The following CRLF2 variants were observed in gnomAD, a reference collection of about 807,000 sequenced individuals.
The protein encoded by CRLF2 is cytokine receptor-like factor 2.
Under a neutral mutation model 38.7 loss-of-function variants are expected in CRLF2, and 41 were observed. That is an observed-to-expected ratio of 1.06 (90% CI 0.83 to 1.37). The LOEUF is 1.37. Ranked by LOEUF, CRLF2 falls within the 40% of genes most tolerant of loss-of-function variation. The pLI, the probability that CRLF2 is intolerant of heterozygous loss-of-function variation, is 0.00. For missense variants in CRLF2, 377 were observed against 322.2 expected, an observed-to-expected ratio of 1.17 and a Z score of -1.30; for synonymous variants, 140 against 128.8, an observed-to-expected ratio of 1.09 and a Z score of -0.59.
intron 1 of CRLF2, among the ~76,000 whole-genome samples, chrX:1,211,747 A>G (rs868207894): frequency 0.014 from 400 of 27,642 alleles, no homozygotes; most frequent in Middle Eastern, 0.068. Context: ...ATGGATGGAT[A>G]AGTGGATAAA....
At chrX:1,203,745 C>T (rs1230534959) in intron 3 of CRLF2, among the ~76,000 whole-genome samples, 1 of 152,126 alleles carries the variant, frequency 6.6e-6, no homozygotes, top group Non-Finnish European at 1.5e-5. Flanking sequence ...ATCTCAGACT[C>T]ATGGGCTTCA....
chrX:1,193,262 A>G lies in CRLF2; in HGVS notation c.808T>C (p.Ser270Pro). 2.5e-6 allele frequency: 1 copy of G among 398,590 alleles called. No homozygotes were observed. The highest frequency in any genetic ancestry group is 4.4e-6 in the Non-Finnish European group (1 of 226,178). The allele number at this position is 398,590 out of a possible 1,614,324, so 24.7% of individuals were successfully genotyped here. ...FLIPSVPDPK[S>P]IFPGLFEIHQ... Reference sequence around the variant, plus strand: ...ATCTCAAAGAGCCCGGGGAAGATGGATTTCGGGTCTGGCACGCTGGGAATG... The same window carrying G: ...ATCTCAAAGAGCCCGGGGAAGATGGGTTTCGGGTCTGGCACGCTGGGAATG... The change falls in exon 7 of 8, where the codon TCC (serine) becomes CCC (proline). Residue 270 changes from serine (S) to proline (P), a missense_variant. Transcript: ENST00000400841.
intron 6 of CRLF2, 22 bp downstream of exon 6, chrX:1,196,758 G>A (rs773354225): frequency 1.2e-5 from 20 of 1,610,500 alleles, no homozygotes; most frequent in Admixed American, 5.1e-5. Context: ...CTCCACCCAC[G>A]GGCGGCAGGA....
Position 1,207,476 on chromosome X carries a change from T to C in CRLF2, c.183-877A>G, listed in dbSNP as rs761055277. Among the ~76,000 whole-genome samples the C allele has an allele frequency of 1.5e-3, 224 of 146,358 alleles. 2 individuals carry two copies. Among genetic ancestry groups the C allele is most frequent in the African/African-American group, 5.4e-3 (212 of 39,378 alleles). ...TTTCACCATGTTGGCCAGGCTGGTC[T>C]TGAACTCCTGACCTCAGGTGATCCA... On this transcript the variant is annotated intron_variant, in intron 2 of 7. Transcript: ENST00000400841.
chrX:1,209,492 T>C (rs772293496), intron 1 of CRLF2, among the ~76,000 whole-genome samples: 23 of 151,272 alleles, frequency 1.5e-4, no homozygotes, highest in Middle Eastern at 3.4e-3. Context: ...CCACCATGCC[T>C]GGATAATTTT....
Position 1,192,765 on chromosome X carries a change from T to TTTCCTTCCTTCC in CRLF2, c.852+441_852+452dup, listed in dbSNP as rs1156877362. Among the ~76,000 whole-genome samples, 913 of 115,942 alleles carry TTTCCTTCCTTCC rather than the reference T, an allele frequency of 7.9e-3. 12 individuals are homozygous for TTTCCTTCCTTCC. The highest frequency in any genetic ancestry group is 0.012 in the Non-Finnish European group (656 of 56,468). The allele number at this position is 115,942 out of a possible 152,430, so 76.1% of individuals were successfully genotyped here. A position where few individuals can be genotyped will look rare whatever the true frequency, so the allele number is the denominator to read the frequency against. The stretch of plus-strand genomic sequence containing the variant: ...CTTTCTTTCTTTCTTTCTTTCTTTC[T>TTTCCTTCCTTCC]TTCCTTCCTTCCTCTCTCCCCCTTT... On this transcript the variant is annotated intron_variant, in intron 7 of 7. Transcript: ENST00000400841.
chrX:1,192,199 C>T (rs1300475371), intron 7 of CRLF2, among the ~76,000 whole-genome samples: 6 of 99,934 alleles, frequency 6.0e-5, no homozygotes, highest in Admixed American at 1.1e-4. Context: ...AGCGAGACTC[C>T]GTCTCAAAAA....
At chrX:1,205,592 A>C (rs1264710476) in intron 3 of CRLF2, among the ~76,000 whole-genome samples, 3 of 152,104 alleles carry the variant, frequency 2.0e-5, no homozygotes, top group African/African-American at 7.2e-5. Flanking sequence ...CTTGCTTTTC[A>C]ATAGTTACGG....
chrX:1,201,825 A>G (rs1331290721), intron 4 of CRLF2, among the ~76,000 whole-genome samples: 1 of 152,120 alleles, frequency 6.6e-6, no homozygotes, highest in African/African-American at 2.4e-5. Context: ...GAGATGATAG[A>G]TAGTTGAACT....
At chrX:1,203,326 GC>G (rs1212140151) in intron 3 of CRLF2, among the ~76,000 whole-genome samples, 1 of 151,432 alleles carries the variant, frequency 6.6e-6, no homozygotes, top group African/African-American at 2.4e-5. Flanking sequence ...GATGCCTGGA[GC>G]CCCCAGGAGC....
At chrX:1,205,484 T>A (rs1388758410) in intron 3 of CRLF2, among the ~76,000 whole-genome samples, 1 of 152,156 alleles carries the variant, frequency 6.6e-6, no homozygotes, top group Non-Finnish European at 1.5e-5. Flanking sequence ...AGCTTGCTTT[T>A]CAATTGTTAT....
At chrX:1,212,454 ACCTCCATGCTCATTGTTTAAGTTTTAC>A in intron 1 of CRLF2, 75 bp downstream of exon 1, 1 of 707,806 alleles carries the variant, frequency 1.4e-6, no homozygotes, top group African/African-American at 1.8e-5. Context: ...GAAGAAAGAA[ACCTCCATGCTCATTGTTTAAGTTTTAC>A]AAAATAAAGA....
At chrX:1,209,512 T>C (rs1307995296) in intron 1 of CRLF2, among the ~76,000 whole-genome samples, 1 of 150,838 alleles carries the variant, frequency 6.6e-6, no homozygotes, top group South Asian at 2.1e-4. Context: ...TTTGTACTTT[T>C]AGTAGAGATG....
At position 1,208,847 on chromosome X, in the gene CRLF2, A is replaced by G; in HGVS notation, c.141T>C (p.Asn47=). Residue 47 remains asparagine, a synonymous_variant, in exon 2 of 8, where the codon AAT becomes AAC. Transcript: ENST00000400841. The part of the protein sequence containing the change: ...FNLETVQVTW[N]ASKYSRTNLT... ...GGTTGGTCCTGGAGTATTTGCTGGC[A>G]TTCCATGTCACCTGCACGGTTTCTA... 1 of 1,612,956 alleles carries G rather than the reference A, an allele frequency of 6.2e-7. No homozygotes were observed. Among genetic ancestry groups the G allele is most frequent in the Non-Finnish European group, 8.5e-7 (1 of 1,178,982 alleles).
At chrX:1,208,038 T>C (rs2086723644) in intron 2 of CRLF2, among the ~76,000 whole-genome samples, 2 of 152,182 alleles carry the variant, frequency 1.3e-5, no homozygotes, top group African/African-American at 4.8e-5. Context: ...GGAAAAACCC[T>C]TCCTGCAATG....
intron 6 of CRLF2, among the ~76,000 whole-genome samples, chrX:1,193,516 G>A (rs1339958670): frequency 1.8e-4 from 28 of 152,094 alleles, no homozygotes; most frequent in Admixed American, 4.6e-4. Context: ...GGTGGCTCAC[G>A]CCTGTAATCC....
chrX:1,191,361 C>CTTTCCTTTCTTTCTTTCTTTCTTT (rs1230620683), intron 7 of CRLF2, among the ~76,000 whole-genome samples: 4 of 73,200 alleles, frequency 5.5e-5, no homozygotes, highest in African/African-American at 1.6e-4. Flanking sequence ...TTCTTTCTTT[C>CTTTCCTTTCTTTCTTTCTTTCTTT]CTTTCTTTCT....
chrX:1,205,070 G>T (rs2086668557), intron 3 of CRLF2, among the ~76,000 whole-genome samples: 2 of 152,098 alleles, frequency 1.3e-5, no homozygotes, highest in Admixed American at 6.6e-5. Context: ...CAAGTGATCC[G>T]CCCGCCTTGG....
rs2147841763 is a variant in CRLF2 at position 1,202,488 on chromosome X, C to A, written c.397G>T (p.Ala133Ser). ...AGGTCAGAACACGTCACCGTCACTG[C>A]ATCCTGATGCCACGAAAATCTCACG... ...KHVRFSWHQD[A>S]VTVTCSDLSY... is the part of the protein sequence containing the mutation. Residue 133 changes from alanine (A) to serine (S), a missense_variant, in exon 4 of 8, where the codon GCA becomes TCA. By Grantham distance (99) the Ala-to-Ser change is moderately conservative. Coordinates refer to ENST00000400841, the MANE Select transcript of CRLF2 (RefSeq NM_022148.4). 1 of 1,613,748 alleles carries A rather than the reference C, an allele frequency of 6.2e-7. No individual in the cohort carries two copies. The highest frequency in any genetic ancestry group is 8.5e-7 in the Non-Finnish European group (1 of 1,179,690).
Sources: allele counts gnomAD v4.1 joint callset (sites outside exome capture counted in the v4.1 genomes callset), GRCh38; gene constraint gnomAD v4.1.1; transcripts MANE v1.5; gene names NCBI Gene and HGNC (gene_info 2026-07-23, HGNC 2026-07-21).